Variants in ABCC6 observed in about 807,000 individuals in gnomAD.
ABCC6 encodes ATP binding cassette subfamily C member 6.
ABCC6 carries 126 observed loss-of-function variants against 169.5 expected under a neutral mutation model. The observed-to-expected ratio is 0.74, with a 90% confidence interval of 0.64 to 0.86. The LOEUF is 0.86. ABCC6 is among the 40% of genes least tolerant of loss of function. The pLI is 0.00. For missense variants in ABCC6, 1,733 were observed against 1,927.2 expected, an observed-to-expected ratio of 0.90 and a Z score of 1.89; for synonymous variants, 752 against 814.7, an observed-to-expected ratio of 0.92 and a Z score of 1.31.
intron 18 of ABCC6, among the ~76,000 whole-genome samples, chr16:16,178,201 C>T (rs549249100): frequency 1.4e-4 from 22 of 151,968 alleles, no homozygotes; most frequent in Non-Finnish European, 2.5e-4. Flanking sequence ...GTGGCGGGCA[C>T]CTGTAGTCCC....
intron 7 of ABCC6, among the ~76,000 whole-genome samples, chr16:16,205,311 G>A (rs988095020): frequency 1.3e-5 from 2 of 152,146 alleles, no homozygotes; most frequent in African/African-American, 4.8e-5. Context: ...GGCGACAGCC[G>A]CCCGAGGTCA....
At chr16:16,195,405 C>T (rs78060676) in intron 10 of ABCC6, among the ~76,000 whole-genome samples, 8,196 of 150,352 alleles carry the variant, frequency 0.055, 700 homozygotes, top group African/African-American at 0.18. Flanking sequence ...CTCCACCTCC[C>T]GGGTTCAAGT....
In ABCC6 at chr16:16,208,944, G is replaced by A. The variant is rs907141566; in HGVS notation, c.663-85C>T. ...CCAGGCGAGTAGCTGTGTGACCCTG[G>A]GTAAGTCACTTTACCTCTCTGTACC... On this transcript the variant is annotated intron_variant, in intron 6 of 30. Transcript: ENST00000205557. The A allele has an allele frequency of 3.1e-6, 5 of 1,610,696 alleles. No individual in the cohort carries two copies. The African/African-American group carries it at 6.7e-5, about 22-fold the overall frequency.
At chr16:16,196,197 G>A (rs1365443247) in intron 10 of ABCC6, among the ~76,000 whole-genome samples, 1 of 123,646 alleles carries the variant, frequency 8.1e-6, no homozygotes, top group African/African-American at 3.3e-5. Context: ...GCAACACAGT[G>A]AGACTCTGTC....
In ABCC6 at chr16:16,149,938, T is replaced by A. The variant is rs556560181; in HGVS notation, c.*195A>T. 11 of 800,000 alleles carry A rather than the reference T, an allele frequency of 1.4e-5. No homozygotes were observed. In the East Asian group the frequency reaches 3.0e-4, roughly 22 times the overall value. 49.6% of individuals were successfully genotyped at this position (800,000 alleles called of 1,614,324 possible). Reference sequence around the variant, plus strand: ...GAGATGGGCCCTGCCCGGGCAGACCTGTGTATTGCTAGGTCCTTCCGGCTC... The same window carrying A: ...GAGATGGGCCCTGCCCGGGCAGACCAGTGTATTGCTAGGTCCTTCCGGCTC... On this transcript the variant is annotated 3_prime_UTR_variant, in exon 31 of 31. Transcript: ENST00000205557.
chr16:16,189,942 A>G (rs1266105590), intron 12 of ABCC6, among the ~76,000 whole-genome samples: 1 of 152,128 alleles, frequency 6.6e-6, no homozygotes, highest in East Asian at 1.9e-4. Context: ...ACTCTCTCTG[A>G]GAGTTCAGCA....
intron 28 of ABCC6, 36 bp from the exon 29 acceptor site, chr16:16,154,830 C>G (rs770201316): frequency 6.2e-7 from 1 of 1,609,596 alleles, no homozygotes; most frequent in Non-Finnish European, 8.5e-7. Context: ...AGCCGGGTCC[C>G]ACCATGCCTC....
intron 29 of ABCC6, among the ~76,000 whole-genome samples, chr16:16,153,762 G>A (rs1041992183): frequency 1.3e-5 from 2 of 151,664 alleles, no homozygotes; most frequent in African/African-American, 4.8e-5. Context: ...AGATTACCTG[G>A]CCCTGGTGGC....
At chr16:16,161,399 G>C (rs1400079947) in intron 25 of ABCC6, 39 bp downstream of exon 25, 4 of 1,613,304 alleles carry the variant, frequency 2.5e-6, no homozygotes, top group Admixed American at 1.7e-5. Flanking sequence ...CTCTGCCTCT[G>C]TCTGTCCCTC....
intron 8 of ABCC6, among the ~76,000 whole-genome samples, chr16:16,202,789 G>A (rs894155479): frequency 6.6e-6 from 1 of 152,200 alleles, no homozygotes; most frequent in Non-Finnish European, 1.5e-5. Flanking sequence ...GTCTCAGTCT[G>A]TGATGCTTTG....
chr16:16,177,314 A>G (rs1434983184), intron 19 of ABCC6, 138 bp downstream of exon 19: 8 of 934,972 alleles, frequency 8.6e-6, no homozygotes, highest in East Asian at 4.8e-5. Flanking sequence ...CTATTAAGAG[A>G]GCTGTCTGCT....
At chr16:16,206,179 T>G (rs573103985) in intron 7 of ABCC6, among the ~76,000 whole-genome samples, 8 of 152,336 alleles carry the variant, frequency 5.3e-5, no homozygotes, top group South Asian at 2.1e-4. Flanking sequence ...CCTGCAGGTC[T>G]CACCTCCCAT....
chr16:16,186,268 G>A (rs1432347837), intron 14 of ABCC6, among the ~76,000 whole-genome samples: 1 of 152,154 alleles, frequency 6.6e-6, no homozygotes, highest in African/African-American at 2.4e-5. Context: ...TTGAAATGCT[G>A]CTATTTTCCA....
chr16:16,181,483 C>A (rs1465799686), intron 17 of ABCC6, among the ~76,000 whole-genome samples: 1 of 151,992 alleles, frequency 6.6e-6, no homozygotes, highest in Non-Finnish European at 1.5e-5. Flanking sequence ...AGGGATGAGC[C>A]CTGGGGACTC....
At chr16:16,196,074 G>A (rs1262425082) in intron 10 of ABCC6, among the ~76,000 whole-genome samples, 3 of 152,018 alleles carry the variant, frequency 2.0e-5, no homozygotes, top group Non-Finnish European at 2.9e-5. Context: ...GCCAGATGTT[G>A]TGGTGCACGC....
At chr16:16,172,832 C>T (rs1272032153) in intron 21 of ABCC6, among the ~76,000 whole-genome samples, 1 of 152,066 alleles carries the variant, frequency 6.6e-6, no homozygotes, top group Non-Finnish European at 1.5e-5. Flanking sequence ...CACTTGAGCC[C>T]AGGAGTTCCA....
Position 16,177,443 on chromosome 16 carries a change from A to G in ABCC6, c.2590+9T>C, listed in dbSNP as rs775583181. 25 of 1,613,810 alleles carry G rather than the reference A, an allele frequency of 1.5e-5. 2 individuals carry two copies. The highest frequency in any genetic ancestry group is 9.9e-5 in the South Asian group (9 of 91,082). Reference sequence around the variant, plus strand: ...CAGGCCTGGAGAATCAGCAAAGCCCACCTAGTACCTCCTTCTCCTCTATCT... The same window carrying G: ...CAGGCCTGGAGAATCAGCAAAGCCCGCCTAGTACCTCCTTCTCCTCTATCT... On this transcript the variant is annotated intron_variant, in intron 19 of 30. Coordinates refer to ENST00000205557, the MANE Select transcript of ABCC6 (RefSeq NM_001171.6).
In ABCC6 at chr16:16,182,807, GA is replaced by G; in HGVS notation, c.2066del (p.Ile689ThrfsTer20). 6.2e-7 allele frequency: 1 copy of G among 1,613,936 alleles called. No homozygotes were observed. Among genetic ancestry groups the G allele is most frequent in the Non-Finnish European group, 8.5e-7 (1 of 1,179,954 alleles). ...GACAGGCTGGGGGTGGCCTCACCTC[GA>G]TGCTCACGAACCCCTCCACCTTTGA... ...ELSKVEGFVS[I>X]EGAVAYVPQE... is the part of the protein sequence containing the mutation. On this transcript the variant is annotated frameshift_variant, in exon 16 of 31. Transcript: ENST00000205557. LOFTEE classifies it high-confidence loss of function.
intron 25 of ABCC6, 104 bp from the exon 26 acceptor site, chr16:16,159,687 A>C (rs764351831): frequency 1.8e-5 from 18 of 1,010,846 alleles, no homozygotes; most frequent in Non-Finnish European, 2.6e-5. Flanking sequence ...GACCCAGGGG[A>C]GTAAAGAGGG....
Sources: allele counts gnomAD v4.1 joint callset (sites outside exome capture counted in the v4.1 genomes callset), GRCh38; gene constraint gnomAD v4.1.1; transcripts MANE v1.5; gene names NCBI Gene and HGNC (gene_info 2026-07-23, HGNC 2026-07-21).